CEP112: variants seen among roughly 807,000 people sequenced by gnomAD.
The protein encoded by CEP112 is centrosomal protein of 112 kDa.
A neutral mutation model predicts 153.0 loss-of-function variants in CEP112; 127 were observed. The ratio of observed to expected loss-of-function variants is 0.83; its 90% CI spans 0.72 to 0.96. CEP112 has a LOEUF of 0.96. Among genes scored for constraint, CEP112 ranks in the 40% least tolerant of loss-of-function variants. The pLI is 0.00. For synonymous variants in CEP112, 358 were observed against 374.4 expected (o/e 0.96, Z 0.51); for missense variants, 1,089 against 1,101.2 (o/e 0.99, Z 0.16).
intron 17 of CEP112, among the ~76,000 whole-genome samples, chr17:66,004,602 CAAAT>C (rs1037326388): frequency 1.3e-5 from 2 of 152,202 alleles, no homozygotes; most frequent in African/African-American, 2.4e-5. Context: ...ACAAGGTAAA[CAAAT>C]AAGTCCCTCT....
At chr17:65,697,315 T>C (rs2048406443) in intron 23 of CEP112, among the ~76,000 whole-genome samples, 1 of 152,220 alleles carries the variant, frequency 6.6e-6, no homozygotes. Flanking sequence ...TAAACCTTAA[T>C]TGCCTTCTTA....
chr17:65,990,129 C>T (rs1210576573), intron 17 of CEP112, among the ~76,000 whole-genome samples: 1 of 151,856 alleles, frequency 6.6e-6, no homozygotes, highest in Admixed American at 6.6e-5. Context: ...ACAACCAGAA[C>T]ACAAACAACA....
rs1306343305 is a variant in CEP112 at position 66,158,627 on chromosome 17, G to T, written c.470+16417C>A. Among the ~76,000 whole-genome samples, 6 of 151,992 alleles carry T rather than the reference G, an allele frequency of 3.9e-5. No individual in the cohort carries two copies. The South Asian group carries it at 1.2e-3, about 32-fold the overall frequency. On this transcript the variant is annotated intron_variant, in intron 4 of 26. Coordinates refer to ENST00000535342, the MANE Select transcript of CEP112 (RefSeq NM_001199165.4). ...ACTCCATCTCAAAAAAATAAAAAAA[G>T]AAATAAAGTTGTTCTTTGAAACCAA...
chr17:65,812,691 T>C (rs2056046171), intron 21 of CEP112, among the ~76,000 whole-genome samples: 1 of 152,148 alleles, frequency 6.6e-6, no homozygotes, highest in Non-Finnish European at 1.5e-5. Context: ...TTTATTTACA[T>C]AAAAGGCAAC....
chr17:65,694,304 A>T (rs2048260327), intron 23 of CEP112, among the ~76,000 whole-genome samples: 1 of 152,232 alleles, frequency 6.6e-6, no homozygotes, highest in Admixed American at 6.5e-5. Flanking sequence ...AGAAGTTAGG[A>T]TGACATATTA....
intron 4 of CEP112, among the ~76,000 whole-genome samples, chr17:66,156,619 G>A (rs1400068796): frequency 1.3e-5 from 2 of 152,110 alleles, no homozygotes; most frequent in Non-Finnish European, 2.9e-5. Flanking sequence ...CCAATGCAAG[G>A]AAGCTAAGAA....
At chr17:65,855,612 T>C (rs1388923595) in intron 20 of CEP112, among the ~76,000 whole-genome samples, 1 of 152,176 alleles carries the variant, frequency 6.6e-6, no homozygotes, top group Non-Finnish European at 1.5e-5. Flanking sequence ...GGGCTTCTGC[T>C]CTTCCCCAGT....
At chr17:65,747,931 C>A (rs1232048927) in intron 22 of CEP112, among the ~76,000 whole-genome samples, 2 of 152,136 alleles carry the variant, frequency 1.3e-5, no homozygotes, top group Non-Finnish European at 2.9e-5. Flanking sequence ...ATTACTAATG[C>A]ATTCATTTTC....
chr17:65,884,719 CTTTTTTTTTT>C (rs1401066748), intron 20 of CEP112, among the ~76,000 whole-genome samples: 1 of 86,626 alleles, frequency 1.2e-5, no homozygotes, highest in Non-Finnish European at 2.5e-5. Flanking sequence ...TTTTTTTTTT[CTTTTTTTTTT>C]TTTTTGAGAC....
At chr17:65,773,866 C>A (rs1049432613) in intron 21 of CEP112, among the ~76,000 whole-genome samples, 1 of 152,080 alleles carries the variant, frequency 6.6e-6, no homozygotes, top group South Asian at 2.1e-4. Flanking sequence ...AGGTGGATCA[C>A]CTGAGGTCAG....
intron 4 of CEP112, among the ~76,000 whole-genome samples, chr17:66,152,658 A>T (rs1008997834): frequency 2.8e-4 from 43 of 152,180 alleles, no homozygotes; most frequent in African/African-American, 9.9e-4. Context: ...TCATCCACAG[A>T]TCCCCTTAAA....
rs775510874 is a variant in CEP112 at position 66,161,075 on chromosome 17, C to A, written c.470+13969G>T. On this transcript the variant is annotated intron_variant, in intron 4 of 26. Coordinates refer to ENST00000535342, the MANE Select transcript of CEP112 (RefSeq NM_001199165.4). ...GGTATTTATGCCACCAACAAACATA[C>A]GAAAAAAAGCTCATCATCACTGGTT... 1.1e-4 allele frequency among the ~76,000 whole-genome samples: 17 copies of A among 151,484 alleles called. No individual in the cohort carries two copies. In the South Asian group the frequency reaches 3.5e-3, roughly 32 times the overall value.
intron 16 of CEP112, among the ~76,000 whole-genome samples, chr17:66,023,313 A>G (rs972760378): frequency 1.3e-5 from 2 of 152,174 alleles, no homozygotes; most frequent in African/African-American, 4.8e-5. Context: ...TAAACTCAGC[A>G]AGACAAAAGC....
At chr17:65,869,745 G>T (rs911606061) in intron 20 of CEP112, among the ~76,000 whole-genome samples, 1 of 151,334 alleles carries the variant, frequency 6.6e-6, no homozygotes, top group Non-Finnish European at 1.5e-5. Context: ...CACCACATTC[G>T]GCTAAATTTT....
intron 23 of CEP112, among the ~76,000 whole-genome samples, chr17:65,696,507 C>T (rs538740907): frequency 1.3e-5 from 2 of 152,052 alleles, no homozygotes; most frequent in Non-Finnish European, 2.9e-5. Context: ...AAACTGGGGT[C>T]GGTAGAGTTG....
In CEP112 at chr17:65,935,032, C is replaced by T. The variant is rs376249508; in HGVS notation, c.1873-7343G>A. Among the ~76,000 whole-genome samples the T allele has an allele frequency of 3.7e-4, 56 of 152,292 alleles. 1 individual carries two copies. The East Asian group carries it at 5.4e-3, about 15-fold the overall frequency. ...AAGAGAACTGCATGGGGGAAACCAC[C>T]TCCATGATCCAATTACCTCTACCTG... On this transcript the variant is annotated intron_variant, in intron 18 of 26. Coordinates refer to ENST00000535342, the MANE Select transcript of CEP112 (RefSeq NM_001199165.4).
At chr17:65,679,127 AGCTTTTTTTTTTTTTTTTTT>A in intron 24 of CEP112, among the ~76,000 whole-genome samples, 1 of 61,222 alleles carries the variant, frequency 1.6e-5, no homozygotes, top group Non-Finnish European at 3.4e-5. Context: ...CTGTGGTTCA[AGCTTTTTTTTTTTTTTTTTT>A]TTTTTTTTTT....
intron 19 of CEP112, 93 bp from the exon 20 acceptor site, chr17:65,902,427 A>C: frequency 9.3e-7 from 1 of 1,077,284 alleles, no homozygotes; most frequent in Admixed American, 3.3e-5. Context: ...AATTTGTCCA[A>C]GTTGAAAATT....
intron 17 of CEP112, among the ~76,000 whole-genome samples, chr17:65,968,427 T>C (rs879264287): frequency 6.6e-5 from 10 of 152,194 alleles, no homozygotes; most frequent in Non-Finnish European, 1.2e-4. Context: ...ATTTATCAAA[T>C]ATAAATGTAA....
Sources: allele counts gnomAD v4.1 joint callset (sites outside exome capture counted in the v4.1 genomes callset), GRCh38; gene constraint gnomAD v4.1.1; transcripts MANE v1.5; gene names NCBI Gene and HGNC (gene_info 2026-07-23, HGNC 2026-07-21).